The following CTNNA3 variants were observed in gnomAD, a reference collection of about 807,000 sequenced individuals.
CTNNA3 encodes the protein catenin alpha 3.
In CTNNA3, 76 loss-of-function variants were observed where a neutral mutation model predicts 95.7. The observed-to-expected ratio is 0.79, with a 90% CI of 0.66 to 0.96. The LOEUF (loss-of-function observed/expected upper bound fraction) is 0.96, where lower values mean the gene tolerates loss of function less well. Ranked by LOEUF, CTNNA3 falls within the 40% of genes least tolerant of loss-of-function variation. The pLI is 0.00. For missense variants in CTNNA3, 1,191 were observed against 1,089.8 expected, an observed-to-expected ratio of 1.09 and a Z score of -1.31; for synonymous variants, 431 against 374.4, an observed-to-expected ratio of 1.15 and a Z score of -1.74.
intron 6 of CTNNA3, among the ~76,000 whole-genome samples, chr10:67,190,835 TA>T (rs1385910803): frequency 6.6e-6 from 1 of 152,024 alleles, no homozygotes; most frequent in Non-Finnish European, 1.5e-5. Flanking sequence ...ACAATATTTG[TA>T]AAAGGCATAT....
At chr10:66,941,028 A>G (rs956431236) in intron 7 of CTNNA3, among the ~76,000 whole-genome samples, 6 of 152,238 alleles carry the variant, frequency 3.9e-5, no homozygotes, top group African/African-American at 1.4e-4. Context: ...AATAAAAAAA[A>G]GAAAGCCCAA....
At chr10:67,687,614 A>T (rs1331822172) in intron 1 of CTNNA3, among the ~76,000 whole-genome samples, 1 of 151,956 alleles carries the variant, frequency 6.6e-6, no homozygotes, top group Non-Finnish European at 1.5e-5. Context: ...ATGCCTCCAG[A>T]TTTTGTTCAG....
intron 1 of CTNNA3, among the ~76,000 whole-genome samples, chr10:67,661,430 C>G (rs1230933608): frequency 6.6e-6 from 1 of 151,948 alleles, no homozygotes; most frequent in Non-Finnish European, 1.5e-5. Context: ...GATCACAGAG[C>G]TAAAGGTAGG....
chr10:66,292,778 T>A (rs2091706202), intron 12 of CTNNA3, among the ~76,000 whole-genome samples: 1 of 152,180 alleles, frequency 6.6e-6, no homozygotes, highest in Admixed American at 6.5e-5. Flanking sequence ...ATTCTCCAAA[T>A]CATCATGAGG....
chr10:67,103,625 G>T (rs1321327160), intron 7 of CTNNA3, among the ~76,000 whole-genome samples: 1 of 151,658 alleles, frequency 6.6e-6, no homozygotes, highest in Non-Finnish European at 1.5e-5. Flanking sequence ...CTCACACAGT[G>T]GGGTTGAAGA....
chr10:67,191,677 A>T (rs2132176099), intron 6 of CTNNA3, among the ~76,000 whole-genome samples: 1 of 152,048 alleles, frequency 6.6e-6, no homozygotes, highest in East Asian at 1.9e-4. Flanking sequence ...ATATTACCCA[A>T]AGTGATCTAT....
intron 5 of CTNNA3, among the ~76,000 whole-genome samples, chr10:67,240,800 T>C (rs1865688403): frequency 6.6e-6 from 1 of 152,172 alleles, no homozygotes; most frequent in Non-Finnish European, 1.5e-5. Context: ...TTAATTCTAA[T>C]GCGGACTACT....
At chr10:66,024,385 G>A (rs2079295482) in intron 15 of CTNNA3, among the ~76,000 whole-genome samples, 1 of 152,206 alleles carries the variant, frequency 6.6e-6, no homozygotes, top group African/African-American at 2.4e-5. Flanking sequence ...CACCACGCCC[G>A]ACCCCATGCA....
intron 17 of CTNNA3, among the ~76,000 whole-genome samples, chr10:65,941,540 G>A (rs2077430155): frequency 6.6e-6 from 1 of 152,146 alleles, no homozygotes; most frequent in African/African-American, 2.4e-5. Flanking sequence ...CCCAGGCTAA[G>A]GAAGAAAAAT....
intron 17 of CTNNA3, among the ~76,000 whole-genome samples, chr10:65,956,050 T>C (rs1589170677): frequency 6.6e-6 from 1 of 152,178 alleles, no homozygotes; most frequent in African/African-American, 2.4e-5. Context: ...CTATTAATTA[T>C]TGCCTCAATT....
At chr10:65,950,835 A>G (rs1207198685) in intron 17 of CTNNA3, among the ~76,000 whole-genome samples, 2 of 152,130 alleles carry the variant, frequency 1.3e-5, no homozygotes, top group African/African-American at 2.4e-5. Flanking sequence ...CTCACATCAC[A>G]TCTATACTTT....
chr10:67,431,661 T>C (rs1564645098), intron 5 of CTNNA3, among the ~76,000 whole-genome samples: 1 of 151,970 alleles, frequency 6.6e-6, no homozygotes, highest in Non-Finnish European at 1.5e-5. Context: ...GGGTAACATG[T>C]ACAGCATTCT....
chr10:67,705,475 G>T (rs1341965979), intron 1 of CTNNA3, among the ~76,000 whole-genome samples: 3 of 150,024 alleles, frequency 2.0e-5, no homozygotes, highest in Non-Finnish European at 4.4e-5. Context: ...CATGTCCTTT[G>T]TAGGGACATG....
intron 12 of CTNNA3, among the ~76,000 whole-genome samples, chr10:66,349,791 C>G (rs1309008146): frequency 6.6e-6 from 1 of 151,926 alleles, no homozygotes; most frequent in African/African-American, 2.4e-5. Flanking sequence ...GTCATAAGTA[C>G]AGTTTTTAAA....
chr10:67,579,878 T>C (rs1360317953), intron 3 of CTNNA3, among the ~76,000 whole-genome samples: 1 of 152,252 alleles, frequency 6.6e-6, no homozygotes. Flanking sequence ...GTTCATATCC[T>C]TCGCCCATTT....
chr10:67,705,920 AAGG>A (rs963130224), intron 1 of CTNNA3, among the ~76,000 whole-genome samples: 1 of 152,108 alleles, frequency 6.6e-6, no homozygotes, highest in African/African-American at 2.4e-5. Context: ...TGGTATAAAG[AAGG>A]AGACTTTTTA....
At chr10:67,472,289 A>G (rs1847857021) in intron 5 of CTNNA3, among the ~76,000 whole-genome samples, 1 of 152,200 alleles carries the variant, frequency 6.6e-6, no homozygotes, top group Non-Finnish European at 1.5e-5. Context: ...CACTCTATAC[A>G]TAGAATTACA....
At chr10:67,200,498 C>T (rs1863597622) in intron 6 of CTNNA3, among the ~76,000 whole-genome samples, 1 of 152,100 alleles carries the variant, frequency 6.6e-6, no homozygotes, top group Admixed American at 6.5e-5. Context: ...CTCTAAACAT[C>T]GGTGGTTCCA....
At position 66,650,447 on chromosome 10, in the gene CTNNA3, G is replaced by A. The variant is rs565049746; in HGVS notation, c.1282-28663C>T. Among the ~76,000 whole-genome samples, 13 of 152,284 alleles carry A rather than the reference G, an allele frequency of 8.5e-5. 1 individual carries two copies. In the East Asian group the frequency reaches 2.5e-3, roughly 29 times the overall value. Reference sequence around the variant, plus strand: ...ACGAATCAAAGAAGAAAGTAAAAGAGAAATTAAAAACTATTTTGAGATAAG... The same window carrying A: ...ACGAATCAAAGAAGAAAGTAAAAGAAAAATTAAAAACTATTTTGAGATAAG... On this transcript the variant is annotated intron_variant, in intron 9 of 17. Transcript: ENST00000433211.
Sources: gnomAD v4.1 joint callset for allele counts (sites outside exome capture counted in the v4.1 genomes callset) on GRCh38, gnomAD v4.1.1 for gene constraint, MANE v1.5 for transcripts, NCBI Gene and HGNC (gene_info 2026-07-23, HGNC 2026-07-21) for gene names.